The following PHACTR1 variants were observed in gnomAD, a reference collection of about 807,000 sequenced individuals.
PHACTR1 encodes the protein RPEL repeat containing 1.
A neutral mutation model predicts 69.2 loss-of-function variants in PHACTR1; 16 were observed. That is an observed-to-expected ratio of 0.23 (90% confidence interval 0.16 to 0.35). The LOEUF (loss-of-function observed/expected upper bound fraction) is 0.35. Among genes scored for constraint, PHACTR1 ranks in the 10% least tolerant of loss-of-function variants. The probability of loss-of-function intolerance (pLI) is 1.00; values close to 1 mark genes in which losing one functional copy is unlikely to be tolerated. For missense variants in PHACTR1, 510 were observed against 734.7 expected, an observed-to-expected ratio of 0.69 and a Z score of 3.54; for synonymous variants, 312 against 284.5, an observed-to-expected ratio of 1.10 and a Z score of -0.97.
intron 4 of PHACTR1, among the ~76,000 whole-genome samples, chr6:12,935,739 G>A (rs369018802): frequency 6.6e-6 from 1 of 152,070 alleles, no homozygotes; most frequent in East Asian, 1.9e-4. Context: ...GACTCATGAA[G>A]AACCTAGGGC....
intron 4 of PHACTR1, among the ~76,000 whole-genome samples, chr6:12,771,940 T>A (rs770957772): frequency 6.6e-6 from 1 of 152,138 alleles, no homozygotes; most frequent in South Asian, 2.1e-4. Context: ...AGGGAGACCA[T>A]GTTCTTGTCC....
intron 5 of PHACTR1, among the ~76,000 whole-genome samples, chr6:13,152,806 C>G (rs1757624579): frequency 1.3e-5 from 2 of 152,154 alleles, no homozygotes; most frequent in Non-Finnish European, 2.9e-5. Context: ...AAGGGGCATG[C>G]CACCCAAGCA....
At chr6:12,773,278 C>T (rs555880632) in intron 4 of PHACTR1, among the ~76,000 whole-genome samples, 39 of 152,240 alleles carry the variant, frequency 2.6e-4, no homozygotes, top group East Asian at 1.9e-4. Flanking sequence ...TTAATGGACA[C>T]GCAATAACTG....
At chr6:12,990,628 G>C (rs1796712911) in intron 4 of PHACTR1, among the ~76,000 whole-genome samples, 1 of 152,246 alleles carries the variant, frequency 6.6e-6, no homozygotes. Flanking sequence ...ACAATTTGCT[G>C]TCTATGGATG....
intron 4 of PHACTR1, among the ~76,000 whole-genome samples, chr6:12,793,181 T>G (rs1386396611): frequency 6.6e-6 from 1 of 152,224 alleles, no homozygotes; most frequent in East Asian, 1.9e-4. Flanking sequence ...ATTTTATGAG[T>G]GTTTCAGAAT....
chr6:13,218,849 GAGGA>G (rs1427177439), intron 8 of PHACTR1, among the ~76,000 whole-genome samples: 3 of 133,820 alleles, frequency 2.2e-5, no homozygotes, highest in African/African-American at 8.7e-5. Context: ...GGAGGAGGAG[GAGGA>G]AAGAGAAGAG....
chr6:12,792,354 C>T (rs1184592012), intron 4 of PHACTR1, among the ~76,000 whole-genome samples: 1 of 147,836 alleles, frequency 6.8e-6, no homozygotes, highest in East Asian at 2.1e-4. Context: ...ATCCCAGCTA[C>T]TTGGGAGGCT....
At chr6:12,854,730 A>T (rs62389894) in intron 4 of PHACTR1, among the ~76,000 whole-genome samples, 12,071 of 152,254 alleles carry the variant, frequency 0.079, 556 homozygotes, top group African/African-American at 0.11. Flanking sequence ...TGGGCAAAGG[A>T]TGGGAACAAA....
intron 4 of PHACTR1, among the ~76,000 whole-genome samples, chr6:13,019,959 A>G (rs568509153): frequency 2.0e-5 from 3 of 152,314 alleles, no homozygotes; most frequent in African/African-American, 7.2e-5. Flanking sequence ...AGGAGCCACC[A>G]TTGATGATGT....
chr6:13,085,515 G>A (rs1175226277), intron 5 of PHACTR1, among the ~76,000 whole-genome samples: 2 of 152,040 alleles, frequency 1.3e-5, no homozygotes, highest in Non-Finnish European at 2.9e-5. Flanking sequence ...AAAAGGAAGA[G>A]TTTAATAAAC....
rs1043077643 is a variant in PHACTR1 at position 12,940,994 on chromosome 6, G to T, written c.251-112371G>T. On this transcript the variant is annotated intron_variant, in intron 4 of 14. Transcript: ENST00000332995. ...ATATTATTGGAAGGAGAGCCTGGGG[G>T]CTTGGCCTTAAAGAGGTGCTTGCAG... is the stretch of plus-strand genomic sequence containing the variant. Among the ~76,000 whole-genome samples the T allele has an allele frequency of 3.3e-5, 5 of 152,340 alleles. No individual in the cohort carries two copies. In the South Asian group the frequency reaches 1.0e-3, roughly 32 times the overall value.
At chr6:12,737,621 G>T (rs1202500083) in intron 3 of PHACTR1, among the ~76,000 whole-genome samples, 1 of 149,556 alleles carries the variant, frequency 6.7e-6, no homozygotes, top group South Asian at 2.1e-4. Context: ...AAGAGACAGG[G>T]TCTCTCTCTG....
At chr6:13,000,646 A>AAGGG (rs1797983810) in intron 4 of PHACTR1, among the ~76,000 whole-genome samples, 3 of 62,450 alleles carry the variant, frequency 4.8e-5, no homozygotes, top group African/African-American at 7.7e-5. Flanking sequence ...GGAAGGGGGG[A>AAGGG]GGGAGGGAGG....
chr6:13,111,282 A>T (rs1024003230), intron 5 of PHACTR1, among the ~76,000 whole-genome samples: 4 of 152,020 alleles, frequency 2.6e-5, no homozygotes, highest in African/African-American at 9.7e-5. Context: ...TGGATACTCA[A>T]TTTTTTTTAA....
At chr6:12,870,867 T>C (rs1781959644) in intron 4 of PHACTR1, among the ~76,000 whole-genome samples, 1 of 152,196 alleles carries the variant, frequency 6.6e-6, no homozygotes, top group Non-Finnish European at 1.5e-5. Context: ...AGCTTTGTTT[T>C]TGTTTTTTAT....
chr6:13,123,147 T>C (rs1299691658), intron 5 of PHACTR1, among the ~76,000 whole-genome samples: 3 of 152,162 alleles, frequency 2.0e-5, no homozygotes, highest in Non-Finnish European at 4.4e-5. Flanking sequence ...GATAAACATT[T>C]CTTATATGAT....
chr6:13,193,443 G>A (rs1763908614), intron 7 of PHACTR1, among the ~76,000 whole-genome samples: 1 of 145,352 alleles, frequency 6.9e-6, no homozygotes, highest in East Asian at 1.9e-4. Context: ...TTGGAGTGCA[G>A]TGGCATGATC....
chr6:13,151,080 A>C (rs1824236156), intron 5 of PHACTR1, among the ~76,000 whole-genome samples: 1 of 152,206 alleles, frequency 6.6e-6, no homozygotes, highest in Non-Finnish European at 1.5e-5. Flanking sequence ...AGTTCCTTTT[A>C]CTGGAGTTGT....
chr6:13,182,461 A>G lies in PHACTR1; in HGVS notation c.497-58A>G, dbSNP rs114009955. ...CTAGACTCAGCAGGCGGGAAGTGCC[A>G]CTCTTTCTTGAAAGGCAGACATTGT... is the stretch of plus-strand genomic sequence containing the variant. On this transcript the variant is annotated intron_variant, in intron 6 of 14. Coordinates refer to ENST00000332995, the MANE Select transcript of PHACTR1 (RefSeq NM_030948.6). 3,039 of 1,578,892 alleles carry G rather than the reference A, an allele frequency of 1.9e-3. 43 individuals are homozygous for G. In the African/African-American group the frequency reaches 0.034, roughly 18 times the overall value.
Sources: gnomAD v4.1 joint callset for allele counts (sites outside exome capture counted in the v4.1 genomes callset) on GRCh38, gnomAD v4.1.1 for gene constraint, MANE v1.5 for transcripts, NCBI Gene and HGNC (gene_info 2026-07-23, HGNC 2026-07-21) for gene names.